Variants in GRID1 observed in about 807,000 individuals in gnomAD.
GRID1 encodes the protein glutamate receptor ionotropic, delta-1.
In GRID1, 28 loss-of-function variants were observed where a neutral mutation model predicts 98.0. The ratio of observed to expected loss-of-function variants is 0.29; its 90% CI spans 0.21 to 0.39. The LOEUF (loss-of-function observed/expected upper bound fraction) is 0.39, where lower values mean the gene tolerates loss of function less well. Ranked by LOEUF, GRID1 falls within the 10% of genes least tolerant of loss-of-function variation. The probability of loss-of-function intolerance (pLI) is 1.00; values close to 1 mark genes in which losing one functional copy is unlikely to be tolerated. For missense variants in GRID1, 1,111 were observed against 1,340.5 expected (o/e 0.83, Z 2.67); for synonymous variants, 553 against 538.5 (o/e 1.03, Z -0.37).
intron 4 of GRID1, among the ~76,000 whole-genome samples, chr10:86,133,326 G>C (rs567723290): frequency 1.3e-5 from 2 of 151,774 alleles, no homozygotes; most frequent in South Asian, 2.1e-4. Flanking sequence ...ATGTGTGCAT[G>C]TGTGTGTGTG....
intron 8 of GRID1, among the ~76,000 whole-genome samples, chr10:85,771,510 T>C (rs1481818702): frequency 2.0e-5 from 3 of 152,050 alleles, no homozygotes; most frequent in Non-Finnish European, 4.4e-5. Flanking sequence ...ATGCTCCAAT[T>C]AAAAGACACA....
At chr10:85,868,982 G>T (rs1455052524) in intron 6 of GRID1, 28 bp downstream of exon 6, 2 of 1,603,084 alleles carry the variant, frequency 1.2e-6, no homozygotes, top group South Asian at 1.1e-5. Flanking sequence ...TGGTGGAGGG[G>T]ACTGGAGAGA....
intron 8 of GRID1, among the ~76,000 whole-genome samples, chr10:85,824,688 A>AC (rs535735557): frequency 1.3e-5 from 2 of 149,528 alleles, no homozygotes; most frequent in Non-Finnish European, 3.0e-5. Context: ...ATCCCTCACC[A>AC]CCCCCCCACC....
intron 2 of GRID1, among the ~76,000 whole-genome samples, chr10:86,281,279 T>C (rs1387925027): frequency 6.6e-6 from 1 of 152,204 alleles, no homozygotes; most frequent in Non-Finnish European, 1.5e-5. Context: ...ATCTTTCATT[T>C]ACTTCCTGCC....
chr10:86,305,065 C>A (rs1335570916), intron 2 of GRID1, among the ~76,000 whole-genome samples: 4 of 151,436 alleles, frequency 2.6e-5, no homozygotes, highest in Admixed American at 2.0e-4. Flanking sequence ...AAGCAGATTA[C>A]CTTCTATAGT....
intron 8 of GRID1, among the ~76,000 whole-genome samples, chr10:85,747,847 C>T (rs138689144): frequency 1.4e-3 from 218 of 152,282 alleles, no homozygotes; most frequent in African/African-American, 5.0e-3. Context: ...TCTAATTTTA[C>T]CTTTCATAGT....
At chr10:85,794,912 A>G (rs75597014) in intron 8 of GRID1, among the ~76,000 whole-genome samples, 5,032 of 152,340 alleles carry the variant, frequency 0.033, 127 homozygotes, top group Non-Finnish European at 0.047. Context: ...AAGGTGGATT[A>G]CTTACCAACC....
At chr10:85,782,559 A>G (rs1325182861) in intron 8 of GRID1, among the ~76,000 whole-genome samples, 1 of 152,254 alleles carries the variant, frequency 6.6e-6, no homozygotes, top group Non-Finnish European at 1.5e-5. Context: ...TTAGAGTTGA[A>G]ATGTTAAGTG....
intron 4 of GRID1, among the ~76,000 whole-genome samples, chr10:86,125,900 T>C (rs1289100412): frequency 5.3e-5 from 8 of 152,220 alleles, no homozygotes; most frequent in Non-Finnish European, 1.2e-4. Context: ...ACCTATAACA[T>C]ACAAAATTTG....
intron 4 of GRID1, among the ~76,000 whole-genome samples, chr10:86,138,528 A>C (rs1844962358): frequency 6.6e-6 from 1 of 152,094 alleles, no homozygotes; most frequent in Non-Finnish European, 1.5e-5. Context: ...AAAAGGGCTG[A>C]GTCTTGCCTC....
At position 86,366,394 on chromosome 10, in the gene GRID1, TCCCCCGGGCGCGCGGCTCATCCACCCGGG is replaced by T; in HGVS notation, c.-31_-3del. On this transcript the variant is annotated 5_prime_UTR_variant, in exon 1 of 16. The change abolishes an upstream ATG in the 5' untranslated region. Coordinates refer to ENST00000327946, the MANE Select transcript of GRID1 (RefSeq NM_017551.3). The surrounding 1 kb of genome is among the most constrained non-coding windows in gnomAD (Gnocchi z 4.1). ...AAGCCACAGCGTCAGCGCTTCCATG[TCCCCCGGGCGCGCGGCTCATCCACCCGGG>T]CCCGGGGCGAGGCCGAGGGCAGCGC... 6.7e-7 allele frequency: 1 copy of T among 1,496,508 alleles called. No homozygotes were observed. The allele number at this position is 1,496,508 out of a possible 1,614,324, so 92.7% of individuals were successfully genotyped here.
At chr10:86,328,764 C>T (rs552481900) in intron 2 of GRID1, among the ~76,000 whole-genome samples, 110 of 152,164 alleles carry the variant, frequency 7.2e-4, no homozygotes, top group South Asian at 1.9e-3. Context: ...GCAAGAACCC[C>T]GTTCCCCCCT....
At chr10:86,243,184 C>G (rs1846666095) in intron 2 of GRID1, among the ~76,000 whole-genome samples, 1 of 152,178 alleles carries the variant, frequency 6.6e-6, no homozygotes, top group Non-Finnish European at 1.5e-5. Context: ...CCATCAGGAA[C>G]AGGTGCAAAC....
At position 85,727,985 on chromosome 10, in the gene GRID1, A is replaced by C; in HGVS notation, c.1403T>G (p.Ile468Arg). Reference protein sequence around the residue: ...GQPKRYKGFSIDVLDALAKAL... With the variant: ...GQPKRYKGFSRDVLDALAKAL... ...CTTGGCCAGTGCATCCAGGACATCTATGGAGAACCCTTTGTAGCGCTTGGG... is the reference window on the plus strand; with the variant it reads ...CTTGGCCAGTGCATCCAGGACATCTCTGGAGAACCCTTTGTAGCGCTTGGG... Residue 468 changes from isoleucine to arginine, a missense_variant, in exon 10 of 16, where the codon ATA becomes AGA. By Grantham distance (97) the Ile-to-Arg change is moderately conservative (BLOSUM62 -3). Coordinates refer to ENST00000327946, the MANE Select transcript of GRID1 (RefSeq NM_017551.3). 1 of 1,613,844 alleles carries C rather than the reference A, an allele frequency of 6.2e-7. No individual in the cohort carries two copies.
At chr10:85,809,988 T>G (rs1276373310) in intron 8 of GRID1, among the ~76,000 whole-genome samples, 1 of 152,200 alleles carries the variant, frequency 6.6e-6, no homozygotes, top group Non-Finnish European at 1.5e-5. Flanking sequence ...GGAGCACAAG[T>G]TTTGTACTTC....
chr10:85,711,861 T>C (rs948856843), intron 12 of GRID1, among the ~76,000 whole-genome samples: 6 of 151,732 alleles, frequency 4.0e-5, no homozygotes, highest in Non-Finnish European at 4.4e-5. Context: ...GGTCAGGGTG[T>C]AGGTGGAACA....
At chr10:86,268,134 G>C (rs1219098772) in intron 2 of GRID1, among the ~76,000 whole-genome samples, 1 of 152,178 alleles carries the variant, frequency 6.6e-6, no homozygotes, top group Admixed American at 6.5e-5. Flanking sequence ...AGCACAGAAA[G>C]ACACACACGG....
At chr10:85,881,759 C>A (rs533301911) in intron 5 of GRID1, among the ~76,000 whole-genome samples, 2,380 of 152,090 alleles carry the variant, frequency 0.016, 70 homozygotes, top group African/African-American at 0.054. Context: ...GCAACAAAAG[C>A]CAAAATTGAC....
At chr10:85,675,307 C>T (rs758582533) in intron 12 of GRID1, among the ~76,000 whole-genome samples, 2 of 152,154 alleles carry the variant, frequency 1.3e-5, no homozygotes, top group Non-Finnish European at 2.9e-5. Flanking sequence ...AATGGCAGTG[C>T]CCTTCTCCTC....
Sources: allele counts gnomAD v4.1 joint callset (sites outside exome capture counted in the v4.1 genomes callset), GRCh38; gene constraint gnomAD v4.1.1; non-coding constraint Gnocchi (gnomAD v3.1); transcripts MANE v1.5; gene names NCBI Gene and HGNC (gene_info 2026-07-23, HGNC 2026-07-21).